The following TRPV4 variants were observed in gnomAD, a reference collection of about 807,000 sequenced individuals.
TRPV4 encodes OSM9-like transient receptor potential channel 4.
A neutral mutation model predicts 84.1 loss-of-function variants in TRPV4; 58 were observed. The observed-to-expected ratio is 0.69, with a 90% confidence interval of 0.56 to 0.86. The LOEUF (loss-of-function observed/expected upper bound fraction) is 0.86. TRPV4 is among the 40% of genes least tolerant of loss of function. The probability of loss-of-function intolerance (pLI) is 0.00; values close to 1 mark genes in which losing one functional copy is unlikely to be tolerated. For synonymous variants in TRPV4, 489 were observed against 500.9 expected (o/e 0.98, Z 0.32); for missense variants, 879 against 1,181.1 (o/e 0.74, Z 3.75).
intron 12 of TRPV4, among the ~76,000 whole-genome samples, chr12:109,789,553 CTCA>C (rs929369498): frequency 1.3e-5 from 2 of 152,188 alleles, no homozygotes; most frequent in African/African-American, 4.8e-5. Context: ...ACATCTCAAA[CTCA>C]TCATGGTTCT....
chr12:109,815,026 C>T lies in TRPV4; in HGVS notation c.-31-199G>A, dbSNP rs544624860. On this transcript the variant is annotated intron_variant, in intron 1 of 15. Coordinates refer to ENST00000261740, the MANE Select transcript of TRPV4 (RefSeq NM_021625.5). The surrounding 1 kb of genome is among the most constrained non-coding windows in gnomAD (Gnocchi z 4.1). ...GGAACTGCAACAGGAGCCTCTTTCACGAACCTGGAAACACAAATTGGCCCC... is the reference window on the plus strand; with the variant it reads ...GGAACTGCAACAGGAGCCTCTTTCATGAACCTGGAAACACAAATTGGCCCC... 19 of 595,284 alleles carry T rather than the reference C, an allele frequency of 3.2e-5. No homozygotes were observed. The highest frequency in any genetic ancestry group is 8.0e-5 in the South Asian group (4 of 50,080). The allele number at this position is 595,284 out of a possible 1,614,324, so 36.9% of individuals were successfully genotyped here.
At chr12:109,824,537 C>G (rs917474445) in intron 1 of TRPV4, among the ~76,000 whole-genome samples, 9 of 151,994 alleles carry the variant, frequency 5.9e-5, no homozygotes, top group Non-Finnish European at 8.8e-5. Context: ...GGGCGGATCA[C>G]TTGAGGTCAG....
chr12:109,788,781 A>G (rs1889859719), intron 12 of TRPV4, 65 bp from the exon 13 acceptor site: 2 of 1,580,104 alleles, frequency 1.3e-6, no homozygotes, highest in African/African-American at 1.3e-5. Context: ...GGAGGGTGTC[A>G]TTCTCATTTG....
Position 109,788,474 on chromosome 12 carries a change from T to C in TRPV4, c.2134A>G (p.Asn712Asp). 1 of 1,614,174 alleles carries C rather than the reference T, an allele frequency of 6.2e-7. No individual in the cohort carries two copies. Among genetic ancestry groups the C allele is most frequent in the Non-Finnish European group, 8.5e-7 (1 of 1,180,038 alleles). The change falls in exon 13 of 16, where the codon AAC (asparagine) becomes GAC (aspartate). Residue 712 changes from asparagine to aspartate, a missense_variant. Physicochemically the swap from Asn to Asp is conservative, Grantham distance 23. Transcript: ENST00000261740. ...YIILTFVLLLNMLIALMGETV... is the reference protein window; with the variant it reads ...YIILTFVLLLDMLIALMGETV... ...TCGCCCATGAGGGCAATGAGCATGT[T>C]GAGGAGCAGCACAAAGGTGAGGATG...
At position 109,803,927 on chromosome 12, in the gene TRPV4, T is replaced by C. The variant is rs77841510; in HGVS notation, c.560-784A>G. ...ACACACTAGGCAGCATTCACCCACC[T>C]GTCAGAGCATCGAATCCTTTTCCCA... On this transcript the variant is annotated intron_variant, in intron 3 of 15. Transcript: ENST00000261740. Among the ~76,000 whole-genome samples the C allele has an allele frequency of 4.8e-3, 723 of 151,894 alleles. 8 individuals carry two copies. Among genetic ancestry groups the C allele is most frequent in the African/African-American group, 0.017 (701 of 41,272 alleles).
chr12:109,797,214 C>T (rs1180346335), intron 6 of TRPV4, among the ~76,000 whole-genome samples: 4 of 152,004 alleles, frequency 2.6e-5, no homozygotes, highest in Non-Finnish European at 4.4e-5. Context: ...TGCAGTGGCG[C>T]GATCTCAGCA....
chr12:109,817,147 C>T (rs1891888046), intron 1 of TRPV4, among the ~76,000 whole-genome samples: 1 of 152,114 alleles, frequency 6.6e-6, no homozygotes. Flanking sequence ...CTCATGGCTG[C>T]CACATGCATT....
intron 3 of TRPV4, 75 bp downstream of exon 3, chr12:109,808,221 A>G (rs1164566092): frequency 1.3e-6 from 2 of 1,561,190 alleles, no homozygotes; most frequent in Admixed American, 3.6e-5. Context: ...AGCTGAGGGG[A>G]AAGGGGGCCC....
At position 109,788,723 on chromosome 12, in the gene TRPV4, G is replaced by A. The variant is rs1346854160; in HGVS notation, c.1892-7C>T. The A allele has an allele frequency of 6.2e-7, 1 of 1,613,900 alleles. No individual in the cohort carries two copies. The highest frequency in any genetic ancestry group is 2.2e-5 in the East Asian group (1 of 44,890). On this transcript the variant is annotated splice_region_variant and splice_polypyrimidine_tract_variant and intron_variant, in intron 12 of 15. Coordinates refer to ENST00000261740, the MANE Select transcript of TRPV4 (RefSeq NM_021625.5). Reference sequence around the variant, plus strand: ...TTCAGGAGGGAGACCAGGGCTGTGGGAGGATAGGGGTGGCACTCACTGAGT... The same window carrying A: ...TTCAGGAGGGAGACCAGGGCTGTGGAAGGATAGGGGTGGCACTCACTGAGT...
intron 1 of TRPV4, among the ~76,000 whole-genome samples, chr12:109,827,304 G>A (rs1892278697): frequency 6.6e-6 from 1 of 152,126 alleles, no homozygotes; most frequent in Non-Finnish European, 1.5e-5. Flanking sequence ...AGCACACTTG[G>A]TCTCAGAGCC....
rs1844621347 is a variant in TRPV4, at chr12:109,793,724, A to C, written c.1585-124T>G. On this transcript the variant is annotated intron_variant, in intron 9 of 15. Coordinates refer to ENST00000261740, the MANE Select transcript of TRPV4 (RefSeq NM_021625.5). This position sits in a 1 kb window ranked among gnomAD's most constrained non-coding sequence, Gnocchi z 4.0. ...GGCTGGTACAGAGAAAAGACAAAGG[A>C]CTCTTTCCTGTTAGAAAAGGAGAAA... 4.4e-6 allele frequency: 4 copies of C among 915,770 alleles called. No homozygotes were observed. Among genetic ancestry groups the C allele is most frequent in the Non-Finnish European group, 7.0e-6 (4 of 569,006 alleles). The allele number at this position is 915,770 out of a possible 1,614,324, so 56.7% of individuals were successfully genotyped here.
chr12:109,784,182 A>T, intron 15 of TRPV4, 134 bp downstream of exon 15: 1 of 1,407,886 alleles, frequency 7.1e-7, no homozygotes. Context: ...CACAAGCAGC[A>T]GAGGAAGCTC....
rs751852169 is a variant in TRPV4 at position 109,794,017 on chromosome 12, C to T, written c.1497G>A (p.Pro499=). ...AGTCCACCGTGGTGCGGTAAGGGTA[C>T]GGCGGCTGGGGAGCAGCAAGGGCAC... ...AYYQPLEGTP[P]YPYRTTVDYL... The change falls in exon 9 of 16, where the codon CCG becomes CCA. Residue 499 remains proline, a synonymous_variant. Transcript: ENST00000261740. The T allele has an allele frequency of 3.7e-6, 6 of 1,604,028 alleles. No individual in the cohort carries two copies. The highest frequency in any genetic ancestry group is 2.3e-5 in the South Asian group (2 of 88,522).
rs774232029 is a variant in TRPV4, at chr12:109,786,854, T to A, written c.2209-17A>T. 6.2e-7 allele frequency: 1 copy of A among 1,612,984 alleles called. No individual in the cohort carries two copies. Among genetic ancestry groups the A allele is most frequent in the East Asian group, 2.2e-5 (1 of 44,848 alleles). ...GGTGGCCCACTGCGGGGAGGGAGGG[T>A]CAGGAGGGACATCGGTGAGCCTCAC... is the stretch of plus-strand genomic sequence containing the variant. On this transcript the variant is annotated splice_polypyrimidine_tract_variant and intron_variant, in intron 13 of 15. Transcript: ENST00000261740. The surrounding 1 kb of genome is among the most constrained non-coding windows in gnomAD (Gnocchi z 4.5).
Position 109,786,733 on chromosome 12 carries a change from A to T in TRPV4, c.2313T>A (p.Thr771=), listed in dbSNP as rs745323795. The part of the protein sequence containing the change: ...MVTVGKSSDG[T]PDRRWCFRVD... ...ACCTGAAGCACCACCTGCGGTCAGG[A>T]GTGCCGTCCGAGCTCTTGCCCACGG... The change falls in exon 14 of 16, where the codon ACT becomes ACA. Residue 771 remains threonine, a synonymous_variant. Coordinates refer to ENST00000261740, the MANE Select transcript of TRPV4 (RefSeq NM_021625.5). This position sits in a 1 kb window ranked among gnomAD's most constrained non-coding sequence, Gnocchi z 4.5. 7.4e-6 allele frequency: 12 copies of T among 1,613,892 alleles called. No individual in the cohort carries two copies. Among genetic ancestry groups the T allele is most frequent in the Non-Finnish European group, 1.0e-5 (12 of 1,180,012 alleles).
chr12:109,791,479 CTTTT>C (rs1192347867), intron 12 of TRPV4, among the ~76,000 whole-genome samples: 2 of 128,428 alleles, frequency 1.6e-5, no homozygotes, highest in Admixed American at 7.9e-5. Context: ...CATTCACCAG[CTTTT>C]TTTTTTTTTT....
intron 2 of TRPV4, 80 bp from the exon 3 acceptor site, chr12:109,808,548 G>T: frequency 6.9e-7 from 1 of 1,448,798 alleles, no homozygotes; most frequent in East Asian, 2.3e-5. Flanking sequence ...GGGACCCAGA[G>T]ACTGTGGTGG....
intron 1 of TRPV4, among the ~76,000 whole-genome samples, chr12:109,831,633 G>A (rs1298937832): frequency 6.6e-6 from 1 of 152,216 alleles, no homozygotes; most frequent in African/African-American, 2.4e-5. Flanking sequence ...CACCAGATAA[G>A]GCAGGAGGAA....
At chr12:109,800,780 C>G (rs771012588) in intron 4 of TRPV4, 22 bp from the exon 5 acceptor site, 1 of 1,611,772 alleles carries the variant, frequency 6.2e-7, no homozygotes, top group Admixed American at 1.7e-5. Flanking sequence ...GGACGGTCAT[C>G]CAGGGTCCTG....
Sources: gnomAD v4.1 joint callset for allele counts (sites outside exome capture counted in the v4.1 genomes callset) on GRCh38, gnomAD v4.1.1 for gene constraint, Gnocchi (gnomAD v3.1) non-coding constraint, MANE v1.5 for transcripts, NCBI Gene and HGNC (gene_info 2026-07-23, HGNC 2026-07-21) for gene names.